Variants in GNAI1 observed in about 807,000 individuals in gnomAD.
GNAI1 encodes the protein guanine nucleotide-binding protein G(i) subunit alpha-1.
Under a neutral mutation model 38.9 loss-of-function variants are expected in GNAI1, and 11 were observed. The observed-to-expected ratio is 0.28, with a 90% CI of 0.18 to 0.47. GNAI1 has a LOEUF of 0.47. Ranked by LOEUF, GNAI1 falls within the 20% of genes least tolerant of loss-of-function variation. GNAI1 has a pLI of 0.99. For missense variants in GNAI1, 317 were observed against 436.9 expected, an observed-to-expected ratio of 0.73 and a Z score of 2.45; for synonymous variants, 166 against 145.1, an observed-to-expected ratio of 1.14 and a Z score of -1.04.
rs191493796 is a variant in GNAI1, at chr7:80,182,283, A to G, written c.119-6668A>G. Among the ~76,000 whole-genome samples the G allele has an allele frequency of 1.5e-4, 23 of 152,312 alleles. No homozygotes were observed. The East Asian group carries it at 3.9e-3, about 26-fold the overall frequency. On this transcript the variant is annotated intron_variant, in intron 1 of 7. Transcript: ENST00000649796. Reference sequence around the variant, plus strand: ...TTTAGATTGATTGCATAAGTTGGCTATTGTGAATAATGCTGCAGTGAACAT... The same window carrying G: ...TTTAGATTGATTGCATAAGTTGGCTGTTGTGAATAATGCTGCAGTGAACAT...
intron 5 of GNAI1, among the ~76,000 whole-genome samples, chr7:80,204,153 TG>T (rs1788733778): frequency 6.6e-6 from 1 of 152,226 alleles, no homozygotes; most frequent in South Asian, 2.1e-4. Flanking sequence ...TTTCGGAAAG[TG>T]TTGCCATCTA....
At chr7:80,197,612 A>G (rs1014676743) in intron 3 of GNAI1, among the ~76,000 whole-genome samples, 3 of 152,066 alleles carry the variant, frequency 2.0e-5, no homozygotes, top group Non-Finnish European at 4.4e-5. Flanking sequence ...TAATTGAATA[A>G]TTGTTTACTG....
chr7:80,208,132 T>A (rs1215288684), intron 5 of GNAI1, among the ~76,000 whole-genome samples: 1 of 152,158 alleles, frequency 6.6e-6, no homozygotes, highest in Non-Finnish European at 1.5e-5. Flanking sequence ...AAATCATCAC[T>A]TCTCAGCATG....
At chr7:80,140,116 T>A (rs999974747) in intron 1 of GNAI1, among the ~76,000 whole-genome samples, 1 of 152,070 alleles carries the variant, frequency 6.6e-6, no homozygotes, top group African/African-American at 2.4e-5. Flanking sequence ...CTCAAGTAGC[T>A]GGGACTACAG....
At chr7:80,181,984 T>C (rs1303614173) in intron 1 of GNAI1, among the ~76,000 whole-genome samples, 2 of 152,180 alleles carry the variant, frequency 1.3e-5, no homozygotes, top group African/African-American at 4.8e-5. Flanking sequence ...CTACAACTTA[T>C]TCATCGTAAC....
intron 1 of GNAI1, among the ~76,000 whole-genome samples, chr7:80,154,428 A>C (rs1223456979): frequency 6.6e-6 from 1 of 152,204 alleles, no homozygotes; most frequent in Non-Finnish European, 1.5e-5. Context: ...GGATTTTAGA[A>C]ATAAAGCTGT....
chr7:80,163,066 C>G (rs977436835), intron 1 of GNAI1, among the ~76,000 whole-genome samples: 12 of 151,888 alleles, frequency 7.9e-5, no homozygotes, highest in Admixed American at 3.3e-4. Flanking sequence ...GCTGAGACAC[C>G]CAAGGGAGGC....
chr7:80,154,828 C>G (rs1383357822), intron 1 of GNAI1, among the ~76,000 whole-genome samples: 1 of 152,142 alleles, frequency 6.6e-6, no homozygotes, highest in East Asian at 1.9e-4. Flanking sequence ...TTGGGCTCAG[C>G]AATAGCTTTC....
chr7:80,151,779 G>A (rs544813267), intron 1 of GNAI1, among the ~76,000 whole-genome samples: 2 of 152,292 alleles, frequency 1.3e-5, no homozygotes, highest in Admixed American at 6.5e-5. Flanking sequence ...TGTGTCAAAG[G>A]TTGTGTGGAT....
intron 4 of GNAI1, among the ~76,000 whole-genome samples, chr7:80,200,345 A>AAAAAAAC (rs1562841169): frequency 6.6e-6 from 1 of 150,640 alleles, no homozygotes; most frequent in African/African-American, 2.5e-5. Flanking sequence ...AAAAAAAAAA[A>AAAAAAAC]AACCTAATCA....
intron 1 of GNAI1, among the ~76,000 whole-genome samples, chr7:80,181,328 C>A (rs1788289677): frequency 6.6e-6 from 1 of 152,144 alleles, no homozygotes; most frequent in African/African-American, 2.4e-5. Context: ...GCTTAAGTAT[C>A]TTAGGGACTT....
At chr7:80,152,149 G>T (rs1787738690) in intron 1 of GNAI1, among the ~76,000 whole-genome samples, 1 of 152,076 alleles carries the variant, frequency 6.6e-6, no homozygotes, top group South Asian at 2.1e-4. Flanking sequence ...TAAGGAATTT[G>T]CCCAAGACAT....
At chr7:80,180,429 T>C (rs1473438169) in intron 1 of GNAI1, among the ~76,000 whole-genome samples, 2 of 152,148 alleles carry the variant, frequency 1.3e-5, no homozygotes, top group Non-Finnish European at 2.9e-5. Context: ...GATATGATTC[T>C]TTTGATTTGG....
rs1415375584 is a variant in GNAI1 at position 80,222,042 on chromosome 7, A to AT, written c.*4556dup. ...AATCCCACTGGCCTGTTTCCCAGGC[A>AT]TTTTTTTAAACCAATTACTGTTTGC... is the stretch of plus-strand genomic sequence containing the variant. On this transcript the variant is annotated 3_prime_UTR_variant, in exon 8 of 8. Transcript: ENST00000649796. Among the ~76,000 whole-genome samples, 2 of 152,086 alleles carry AT rather than the reference A, an allele frequency of 1.3e-5. No individual in the cohort carries two copies. The highest frequency in any genetic ancestry group is 2.1e-4 in the South Asian group (1 of 4,826).
intron 1 of GNAI1, among the ~76,000 whole-genome samples, chr7:80,158,951 T>C (rs1787866785): frequency 6.6e-6 from 1 of 152,180 alleles, no homozygotes; most frequent in Non-Finnish European, 1.5e-5. Flanking sequence ...CGATGTCTTC[T>C]AAAGCTGTTG....
At chr7:80,169,739 T>G (rs1268555874) in intron 1 of GNAI1, among the ~76,000 whole-genome samples, 1 of 152,202 alleles carries the variant, frequency 6.6e-6, no homozygotes, top group East Asian at 1.9e-4. Flanking sequence ...TTTTCAAGTT[T>G]AGGCATAATG....
At chr7:80,182,528 G>A (rs780972780) in intron 1 of GNAI1, among the ~76,000 whole-genome samples, 5 of 152,060 alleles carry the variant, frequency 3.3e-5, no homozygotes, top group Non-Finnish European at 7.4e-5. Context: ...TATCTCCCAT[G>A]TATGTGTAAA....
At chr7:80,157,104 C>G (rs770668579) in intron 1 of GNAI1, among the ~76,000 whole-genome samples, 4 of 152,148 alleles carry the variant, frequency 2.6e-5, no homozygotes, top group African/African-American at 4.8e-5. Context: ...CCTCTGTACT[C>G]CTCGTATTTA....
chr7:80,218,995 A>AAGTTACGTGTTGTC lies in GNAI1; in HGVS notation c.*1504_*1517dup. ...TACACGTTGCTGGTAAGTAGTTTCC[A>AAGTTACGTGTTGTC]AGTTACGTGTTGTCACTGGGTTGAA... is the stretch of plus-strand genomic sequence containing the variant. On this transcript the variant is annotated 3_prime_UTR_variant, in exon 8 of 8. Coordinates refer to ENST00000649796, the MANE Select transcript of GNAI1 (RefSeq NM_002069.6). 1 of 149,874 alleles carries AAGTTACGTGTTGTC rather than the reference A, an allele frequency of 6.7e-6. No homozygotes were observed. The highest frequency in any genetic ancestry group is 2.1e-4 in the South Asian group (1 of 4,718). 9.3% of individuals were successfully genotyped at this position (149,874 alleles called of 1,614,324 possible). A position where few individuals can be genotyped will look rare whatever the true frequency, so the allele number is the denominator to read the frequency against.
Sources: allele counts gnomAD v4.1 joint callset (sites outside exome capture counted in the v4.1 genomes callset), GRCh38; gene constraint gnomAD v4.1.1; transcripts MANE v1.5; gene names NCBI Gene and HGNC (gene_info 2026-07-23, HGNC 2026-07-21).